FNBP1L: variants seen among roughly 807,000 people sequenced by gnomAD.
FNBP1L encodes formin-binding protein 1-like.
A neutral mutation model predicts 91.2 loss-of-function variants in FNBP1L; 36 were observed. That is an observed-to-expected ratio of 0.39 (90% CI 0.30 to 0.52). The LOEUF (loss-of-function observed/expected upper bound fraction) is 0.52. Ranked by LOEUF, FNBP1L falls within the 20% of genes least tolerant of loss-of-function variation. The pLI is 0.66. For synonymous variants in FNBP1L, 242 were observed against 237.0 expected (o/e 1.02, Z -0.19); for missense variants, 571 against 732.1 (o/e 0.78, Z 2.54).
chr1:93,520,665 T>C (rs1671290476), intron 2 of FNBP1L, among the ~76,000 whole-genome samples: 1 of 152,092 alleles, frequency 6.6e-6, no homozygotes, highest in Non-Finnish European at 1.5e-5. Context: ...TTCTCGTAAC[T>C]GTATGGGGTA....
chr1:93,483,133 T>C (rs1669771979), intron 1 of FNBP1L, among the ~76,000 whole-genome samples: 1 of 137,902 alleles, frequency 7.3e-6, no homozygotes, highest in East Asian at 2.1e-4. Context: ...GATGCTGTGG[T>C]GAGCTGTGAT....
At chr1:93,543,985 TG>T in intron 11 of FNBP1L, 121 bp from the exon 12 acceptor site, 4 of 583,692 alleles carry the variant, frequency 6.9e-6, no homozygotes, top group East Asian at 3.2e-5. Context: ...TTTAAGGGGT[TG>T]CTTGAGGCAA....
chr1:93,547,090 A>G (rs1238385318), intron 13 of FNBP1L, 116 bp downstream of exon 13: 1 of 1,221,410 alleles, frequency 8.2e-7, no homozygotes, highest in South Asian at 1.4e-5. Context: ...AGGGTTTATG[A>G]TCTAAAAGTA....
At chr1:93,514,167 T>A (rs1200365532) in intron 2 of FNBP1L, among the ~76,000 whole-genome samples, 1 of 152,220 alleles carries the variant, frequency 6.6e-6, no homozygotes, top group Non-Finnish European at 1.5e-5. Context: ...CCATTCACAA[T>A]TGCTTCAAAG....
chr1:93,530,949 G>T, intron 7 of FNBP1L, 66 bp downstream of exon 7: 1 of 1,280,602 alleles, frequency 7.8e-7, no homozygotes, highest in South Asian at 1.5e-5. Flanking sequence ...AAACTTGTAA[G>T]TCTTAGACAT....
intron 3 of FNBP1L, among the ~76,000 whole-genome samples, chr1:93,523,071 G>A (rs1247494283): frequency 6.6e-6 from 1 of 152,210 alleles, no homozygotes; most frequent in Non-Finnish European, 1.5e-5. Context: ...AGAGATTCCA[G>A]TATGCCAAAA....
intron 10 of FNBP1L, among the ~76,000 whole-genome samples, chr1:93,539,652 A>G (rs1453419243): frequency 1.3e-5 from 2 of 152,132 alleles, no homozygotes; most frequent in African/African-American, 2.4e-5. Context: ...TATACTTCAA[A>G]TATTTTGTTG....
At chr1:93,458,852 A>G (rs576569378) in intron 1 of FNBP1L, among the ~76,000 whole-genome samples, 1 of 152,344 alleles carries the variant, frequency 6.6e-6, no homozygotes, top group African/African-American at 2.4e-5. Flanking sequence ...TATTGTTGTT[A>G]ATCTCTTACT....
chr1:93,487,533 C>T (rs556939050), intron 1 of FNBP1L, among the ~76,000 whole-genome samples: 2 of 152,280 alleles, frequency 1.3e-5, no homozygotes, highest in East Asian at 1.9e-4. Flanking sequence ...TTTCACTAAC[C>T]AACCACATGA....
At chr1:93,456,499 G>C (rs2101683738) in intron 1 of FNBP1L, among the ~76,000 whole-genome samples, 1 of 151,356 alleles carries the variant, frequency 6.6e-6, no homozygotes, top group Admixed American at 6.6e-5. Flanking sequence ...GCCAGGTGCA[G>C]CTGCTCATGC....
At chr1:93,469,997 T>C (rs1669230301) in intron 1 of FNBP1L, among the ~76,000 whole-genome samples, 1 of 152,130 alleles carries the variant, frequency 6.6e-6, no homozygotes, top group African/African-American at 2.4e-5. Context: ...AATGTAATTG[T>C]GGTGTTAAAG....
chr1:93,481,856 A>G (rs1259986646), intron 1 of FNBP1L, among the ~76,000 whole-genome samples: 4 of 152,158 alleles, frequency 2.6e-5, no homozygotes, highest in African/African-American at 9.7e-5. Flanking sequence ...AGTCTGTTGC[A>G]TTTGAATAAA....
chr1:93,510,513 C>T lies in FNBP1L; in HGVS notation c.140+10930C>T, dbSNP rs1570820561. ...TAAAACCACAAAGATGGGGAAAAAA[C>T]AGAGCAGAAAAACTGGAAACTCTAA... On this transcript the variant is annotated intron_variant, in intron 2 of 16. Coordinates refer to ENST00000271234, the MANE Select transcript of FNBP1L (RefSeq NM_001164473.3). Among the ~76,000 whole-genome samples the T allele has an allele frequency of 2.0e-5, 3 of 152,150 alleles. No homozygotes were observed. In the East Asian group the frequency reaches 5.8e-4, roughly 29 times the overall value.
chr1:93,506,458 G>A (rs1022723412), intron 2 of FNBP1L, among the ~76,000 whole-genome samples: 1 of 152,040 alleles, frequency 6.6e-6, no homozygotes, highest in African/African-American at 2.4e-5. Flanking sequence ...GTTTTCTATC[G>A]TTGGGTCACT....
chr1:93,535,070 A>G (rs1671801043), intron 9 of FNBP1L, among the ~76,000 whole-genome samples, 162 bp downstream of exon 9: 1 of 152,166 alleles, frequency 6.6e-6, no homozygotes, highest in East Asian at 1.9e-4. Flanking sequence ...CTTAACAGTA[A>G]CAGTTATTTA....
At position 93,534,882 on chromosome 1, in the gene FNBP1L, T is replaced by A. The variant is rs1671795285; in HGVS notation, c.964T>A (p.Leu322Met). 2.5e-6 allele frequency: 4 copies of A among 1,572,498 alleles called. No homozygotes were observed. The highest frequency in any genetic ancestry group is 3.5e-6 in the Non-Finnish European group (4 of 1,157,792). ...KTTVGKAKGK[L>M]WLFGKKPKPQ... ...CACAGTAGGAAAGGCCAAGGGCAAA[T>A]TGTGGCTCTTTGGAAAGAAGCCAAA... Residue 322 changes from leucine (L) to methionine (M), a missense_variant, in exon 9 of 17, where the codon TTG becomes ATG. Leu to Met is a conservative substitution (Grantham distance 15). Transcript: ENST00000271234.
chr1:93,515,805 C>T (rs1002835154), intron 2 of FNBP1L, among the ~76,000 whole-genome samples: 10 of 151,576 alleles, frequency 6.6e-5, no homozygotes, highest in South Asian at 2.1e-4. Flanking sequence ...GGGAGATATA[C>T]GTAATGCTAG....
intron 12 of FNBP1L, among the ~76,000 whole-genome samples, chr1:93,545,837 A>G (rs1221704558): frequency 1.8e-5 from 2 of 108,786 alleles, no homozygotes; most frequent in African/African-American, 7.2e-5. Context: ...AGAAGAGAAA[A>G]CATGGAGGAA....
intron 4 of FNBP1L, among the ~76,000 whole-genome samples, chr1:93,523,827 A>G (rs1671413520): frequency 6.6e-6 from 1 of 152,222 alleles, no homozygotes; most frequent in Admixed American, 6.5e-5. Context: ...TTTAATGTCC[A>G]TACATAAAAT....
Sources: allele counts gnomAD v4.1 joint callset (sites outside exome capture counted in the v4.1 genomes callset), GRCh38; gene constraint gnomAD v4.1.1; transcripts MANE v1.5; gene names NCBI Gene and HGNC (gene_info 2026-07-23, HGNC 2026-07-21).